The following ZFP62 variants were observed in gnomAD, a reference collection of about 807,000 sequenced individuals.
The protein encoded by ZFP62 is zinc finger protein 62 homolog.
In ZFP62, 44 loss-of-function variants were observed where a neutral mutation model predicts 56.4. The ratio of observed to expected loss-of-function variants is 0.78; its 90% CI spans 0.61 to 1.00. ZFP62 has a LOEUF of 1.00. Ranked by LOEUF, ZFP62 falls within the 50% of genes least tolerant of loss-of-function variation. ZFP62 has a pLI of 0.00. For synonymous variants in ZFP62, 421 were observed against 388.9 expected, an observed-to-expected ratio of 1.08 and a Z score of -0.97; for missense variants, 1,030 against 1,085.7, an observed-to-expected ratio of 0.95 and a Z score of 0.72.
rs35764255 is a variant in ZFP62 at position 180,849,362 on chromosome 5, GA to G, written c.2132del (p.Phe711SerfsTer7). 6.4e-7 allele frequency: 1 copy of G among 1,551,632 alleles called. No individual in the cohort carries two copies. On this transcript the variant is annotated frameshift_variant, in exon 2 of 2. Coordinates refer to ENST00000502412, the MANE Select transcript of ZFP62 (RefSeq NM_001172638.2). LOFTEE classifies it high-confidence loss of function. ...HTCDECGKAFFSSRTLISHKR... is the reference protein window; with the variant it reads ...HTCDECGKAFXSSRTLISHKR... ...TATGGCTTATAAGAGTTCTGCTTGAGAAAAAAGCTTTTCCACATTCATCACA... is the reference window on the plus strand; with the variant it reads ...TATGGCTTATAAGAGTTCTGCTTGAGAAAAAGCTTTTCCACATTCATCACA...
chr5:180,856,139 T>C (rs1262534184), intron 1 of ZFP62, among the ~76,000 whole-genome samples: 1 of 152,196 alleles, frequency 6.6e-6, no homozygotes, highest in Non-Finnish European at 1.5e-5. Context: ...GCCACTTACC[T>C]CTCTAACCTA....
At chr5:180,857,237 T>C (rs1432864576) in intron 1 of ZFP62, among the ~76,000 whole-genome samples, 1 of 152,204 alleles carries the variant, frequency 6.6e-6, no homozygotes, top group Non-Finnish European at 1.5e-5. Context: ...TTACTTATTT[T>C]ATTAAACTGG....
downstream of ZFP62, chr5:180,845,912 C>T (rs1308873959): frequency 2.5e-5 from 25 of 982,618 alleles, no homozygotes; most frequent in East Asian, 2.3e-4. Context: ...CTTTCACCTT[C>T]AGACAAATTT....
the ZFP62 span, among the ~76,000 whole-genome samples, chr5:180,829,073 T>C: frequency 1.3e-5 from 2 of 151,974 alleles, no homozygotes; most frequent in Non-Finnish European, 2.9e-5. Flanking sequence ...TCTTAGACCC[T>C]GTTTTCTGTT....
chr5:180,861,234 C>A lies in ZFP62; in HGVS notation c.-15G>T. ...ACTCACGTACTGGCTGTGGCGGCGC[C>A]GCGGGAACCCGGCCGCCAGCGGGAC... On this transcript the variant is annotated 5_prime_UTR_variant, in exon 1 of 2. Coordinates refer to ENST00000502412, the MANE Select transcript of ZFP62 (RefSeq NM_001172638.2). The A allele has an allele frequency of 2.5e-6, 1 of 397,998 alleles. No individual in the cohort carries two copies. The highest frequency in any genetic ancestry group is 4.4e-6 in the Non-Finnish European group (1 of 225,648). 24.7% of individuals were successfully genotyped at this position (397,998 alleles called of 1,614,324 possible).
chr5:180,841,302 T>A, the ZFP62 span, among the ~76,000 whole-genome samples: 801 of 112,066 alleles, frequency 7.1e-3, 6 homozygotes, highest in African/African-American at 0.026. Flanking sequence ...TACATACACA[T>A]ATATATATAC....
the ZFP62 span, among the ~76,000 whole-genome samples, chr5:180,842,387 C>T: frequency 6.6e-6 from 1 of 151,742 alleles, no homozygotes; most frequent in African/African-American, 2.4e-5. Flanking sequence ...CCAGAGTATA[C>T]AAAAAAGGAT....
intron 1 of ZFP62, among the ~76,000 whole-genome samples, chr5:180,856,731 G>C (rs1773997440): frequency 2.0e-5 from 3 of 151,300 alleles, no homozygotes; most frequent in Non-Finnish European, 4.4e-5. Context: ...GAGGCGGGCA[G>C]ATCATGAGAT....
At chr5:180,847,019 T>G (rs1421165514), downstream of ZFP62, among the ~76,000 whole-genome samples, 1 of 152,162 alleles carries the variant, frequency 6.6e-6, no homozygotes, top group Non-Finnish European at 1.5e-5. Context: ...CCATCAAAAC[T>G]TACTGGTAGG....
intron 1 of ZFP62, among the ~76,000 whole-genome samples, chr5:180,856,667 A>G (rs1773990974): frequency 6.6e-6 from 1 of 152,184 alleles, no homozygotes; most frequent in African/African-American, 2.4e-5. Flanking sequence ...TAAAAATGAC[A>G]GAGGCGGCCG....
In ZFP62 at chr5:180,850,388, T is replaced by C. The variant is rs2113681869; in HGVS notation, c.1107A>G (p.Glu369=). The change falls in exon 2 of 2, where the codon GAA becomes GAG. Residue 369 remains glutamate, a synonymous_variant. Transcript: ENST00000502412. ...HTGEKPYECD[E]CGKAFRNSSG... is the part of the protein sequence containing the mutation. ...AGCTGTTCCTGAAAGCCTTCCCACATTCATCACATTCATAAGGTTTCTCTC... is the reference window on the plus strand; with the variant it reads ...AGCTGTTCCTGAAAGCCTTCCCACACTCATCACATTCATAAGGTTTCTCTC... 1.3e-6 allele frequency: 2 copies of C among 1,561,416 alleles called. No homozygotes were observed. Among genetic ancestry groups the C allele is most frequent in the East Asian group, 2.4e-5 (1 of 41,806 alleles).
At chr5:180,856,781 C>T (rs533373900) in intron 1 of ZFP62, among the ~76,000 whole-genome samples, 1 of 150,330 alleles carries the variant, frequency 6.7e-6, no homozygotes, top group South Asian at 2.1e-4. Flanking sequence ...CGTGAAACCC[C>T]ATCTCTACTA....
chr5:180,847,535 A>C (rs1773446819), downstream of ZFP62: 1 of 959,272 alleles, frequency 1.0e-6, no homozygotes, highest in Non-Finnish European at 1.2e-6. Flanking sequence ...TCTGGTTTGG[A>C]TCTGGTATAA....
chr5:180,855,168 C>T (rs1773904030), intron 1 of ZFP62, among the ~76,000 whole-genome samples: 1 of 152,158 alleles, frequency 6.6e-6, no homozygotes, highest in Admixed American at 6.5e-5. Flanking sequence ...AGCAAGAGGA[C>T]AAAATGAAGT....
chr5:180,846,702 T>G (rs1773420908), downstream of ZFP62, among the ~76,000 whole-genome samples: 1 of 152,214 alleles, frequency 6.6e-6, no homozygotes. Flanking sequence ...TCTGAGCACC[T>G]GCAGTCTTAA....
the ZFP62 span, among the ~76,000 whole-genome samples, chr5:180,837,415 G>A: frequency 6.6e-6 from 1 of 152,216 alleles, no homozygotes; most frequent in Non-Finnish European, 1.5e-5. Flanking sequence ...GCTTGACTGT[G>A]AGCAGCAACT....
Position 180,849,731 on chromosome 5 carries a change from G to A in ZFP62, c.1764C>T (p.Pro588=), listed in dbSNP as rs1773582790. The A allele has an allele frequency of 6.4e-6, 10 of 1,551,784 alleles. No individual in the cohort carries two copies. The highest frequency in any genetic ancestry group is 8.7e-6 in the Non-Finnish European group (10 of 1,147,106). Residue 588 remains proline (P), a synonymous_variant, in exon 2 of 2, where the codon CCC becomes CCT. Transcript: ENST00000502412. ...NHKSVHPGEK[P]FKCDECEKAF... ...CCTTCTCACACTCGTCACACTTAAA[G>A]GGCTTCTCCCCAGGGTGTACACTTT...
downstream of ZFP62, among the ~76,000 whole-genome samples, chr5:180,846,147 C>T (rs1773406829): frequency 6.6e-6 from 1 of 152,282 alleles, no homozygotes; most frequent in South Asian, 2.1e-4. Context: ...AGGGAGACCC[C>T]ACCATGTCTG....
the ZFP62 span, chr5:180,834,906 AGT>A: frequency 4.6e-5 from 7 of 152,038 alleles, no homozygotes; most frequent in Non-Finnish European, 1.0e-4. Flanking sequence ...AGATCATGGC[AGT>A]GGCATTATAA....
Sources: allele counts gnomAD v4.1 joint callset (sites outside exome capture counted in the v4.1 genomes callset), GRCh38; gene constraint gnomAD v4.1.1; transcripts MANE v1.5; gene names NCBI Gene and HGNC (gene_info 2026-07-23, HGNC 2026-07-21).